RIPOR2: variants seen among roughly 807,000 people sequenced by gnomAD.
RIPOR2 encodes the protein rho family-interacting cell polarization regulator 2.
RIPOR2 carries 39 observed loss-of-function variants against 114.5 expected under a neutral mutation model. That is an observed-to-expected ratio of 0.34 (90% CI 0.26 to 0.44). The LOEUF (loss-of-function observed/expected upper bound fraction) is 0.44. Ranked by LOEUF, RIPOR2 falls within the 20% of genes least tolerant of loss-of-function variation. RIPOR2 has a pLI of 1.00. For synonymous variants in RIPOR2, 445 were observed against 484.4 expected (o/e 0.92, Z 1.07); for missense variants, 1,007 against 1,255.1 (o/e 0.80, Z 2.99).
intron 1 of RIPOR2, among the ~76,000 whole-genome samples, chr6:24,946,823 A>C (rs1408763123): frequency 6.6e-6 from 1 of 152,224 alleles, no homozygotes; most frequent in East Asian, 1.9e-4. Context: ...TTGGCCTCCA[A>C]ATTTCTTGTC....
At chr6:24,967,821 C>G (rs1399720994) in intron 1 of RIPOR2, among the ~76,000 whole-genome samples, 2 of 151,516 alleles carry the variant, frequency 1.3e-5, no homozygotes, top group Non-Finnish European at 2.9e-5. Context: ...GACTTACAGA[C>G]TAAGTATCTG....
At chr6:24,808,337 A>G (rs1032615662) in intron 21 of RIPOR2, among the ~76,000 whole-genome samples, 1 of 152,246 alleles carries the variant, frequency 6.6e-6, no homozygotes, top group African/African-American at 2.4e-5. Context: ...GCTTACCTTC[A>G]TGGTTATTTT....
chr6:24,942,948 T>A (rs1157624013), intron 1 of RIPOR2, among the ~76,000 whole-genome samples: 4 of 152,206 alleles, frequency 2.6e-5, no homozygotes, highest in Non-Finnish European at 5.9e-5. Context: ...TTGGCTTTTG[T>A]TGCCATTGCT....
At chr6:24,925,445 T>G (rs1002223380) in intron 1 of RIPOR2, among the ~76,000 whole-genome samples, 1 of 152,190 alleles carries the variant, frequency 6.6e-6, no homozygotes, top group African/African-American at 2.4e-5. Context: ...GGGTCATGCC[T>G]GTAATCCCAG....
intron 1 of RIPOR2, among the ~76,000 whole-genome samples, chr6:24,886,653 C>T (rs2747681): frequency 0.23 from 34,471 of 152,194 alleles, 4,388 homozygotes; most frequent in African/African-American, 0.35. Flanking sequence ...AGCAGTGATA[C>T]CACGTAAGTG....
At chr6:24,960,721 G>A (rs1335450102) in intron 1 of RIPOR2, among the ~76,000 whole-genome samples, 2 of 151,922 alleles carry the variant, frequency 1.3e-5, no homozygotes, top group African/African-American at 2.4e-5. Context: ...GTAGAGATGG[G>A]GTTTCTCCAT....
At chr6:24,962,729 A>C (rs564303958) in intron 1 of RIPOR2, among the ~76,000 whole-genome samples, 2 of 152,168 alleles carry the variant, frequency 1.3e-5, no homozygotes, top group Non-Finnish European at 2.9e-5. Context: ...TTGTACACTG[A>C]TATACATAAA....
chr6:24,968,236 T>C (rs1243230594), intron 1 of RIPOR2, among the ~76,000 whole-genome samples: 1 of 152,174 alleles, frequency 6.6e-6, no homozygotes, highest in Non-Finnish European at 1.5e-5. Context: ...AGTTAACTTT[T>C]ATATGTTGCA....
In RIPOR2 at chr6:24,866,495, T is replaced by A. The variant is rs369206395; in HGVS notation, c.502-1045A>T. ...CCTGCAATAGAGAATTATCCCCAAATGCCAGTAGTGCTAGGGTTGAAAATT... is the reference window on the plus strand; with the variant it reads ...CCTGCAATAGAGAATTATCCCCAAAAGCCAGTAGTGCTAGGGTTGAAAATT... On this transcript the variant is annotated intron_variant, in intron 6 of 21. Transcript: ENST00000643898. 3.1e-4 allele frequency among the ~76,000 whole-genome samples: 47 copies of A among 150,030 alleles called. 1 individual carries two copies. The South Asian group carries it at 9.0e-3, about 29-fold the overall frequency.
In RIPOR2 at chr6:24,842,941, G is replaced by A. The variant is rs761981193; in HGVS notation, c.1778C>T (p.Ala593Val). ...LEDAFNGLLLALEPHKEQYKE... is the reference protein window; with the variant it reads ...LEDAFNGLLLVLEPHKEQYKE... Reference sequence around the variant, plus strand: ...ATACTGCTCTTTATGTGGTTCTAATGCAAGTAAAAGCCCATTAAAAGCATC... The same window carrying A: ...ATACTGCTCTTTATGTGGTTCTAATACAAGTAAAAGCCCATTAAAAGCATC... Residue 593 changes from alanine (A) to valine (V), a missense_variant, in exon 13 of 22, where the codon GCA (alanine) becomes GTA (valine). Ala to Val is a moderately conservative substitution (Grantham distance 64). Coordinates refer to ENST00000643898, the MANE Select transcript of RIPOR2 (RefSeq NM_001286445.3). The A allele has an allele frequency of 1.3e-6, 2 of 1,521,414 alleles. No individual in the cohort carries two copies. Among genetic ancestry groups the A allele is most frequent in the Non-Finnish European group, 1.8e-6 (2 of 1,136,164 alleles). 94.2% of individuals were successfully genotyped at this position (1,521,414 alleles called of 1,614,324 possible).
intron 1 of RIPOR2, among the ~76,000 whole-genome samples, chr6:25,018,575 T>C (rs1161076299): frequency 6.6e-6 from 1 of 152,240 alleles, no homozygotes; most frequent in Non-Finnish European, 1.5e-5. Flanking sequence ...AAAAAATTTA[T>C]CACTTGCCCT....
chr6:25,012,945 C>T (rs1024885653), intron 1 of RIPOR2, among the ~76,000 whole-genome samples: 5 of 151,642 alleles, frequency 3.3e-5, no homozygotes, highest in Non-Finnish European at 5.9e-5. Flanking sequence ...TGCCTCCATA[C>T]GGAGGGGATG....
chr6:24,970,366 G>A (rs2114237181), intron 1 of RIPOR2, among the ~76,000 whole-genome samples: 1 of 152,328 alleles, frequency 6.6e-6, no homozygotes, highest in African/African-American at 2.4e-5. Context: ...GAAACTCAAA[G>A]AGGTCTTGAA....
intron 1 of RIPOR2, among the ~76,000 whole-genome samples, chr6:24,955,872 G>A (rs1044704607): frequency 1.3e-5 from 2 of 151,476 alleles, no homozygotes; most frequent in Non-Finnish European, 2.9e-5. Context: ...AGCCAGGTGT[G>A]GTGGCAGGTG....
chr6:24,870,003 G>T (rs1169078423), intron 5 of RIPOR2, among the ~76,000 whole-genome samples: 1 of 151,976 alleles, frequency 6.6e-6, no homozygotes, highest in African/African-American at 2.4e-5. Context: ...ATTCAGCATT[G>T]AAATAAAATT....
At chr6:25,025,824 G>A (rs979960540) in intron 1 of RIPOR2, among the ~76,000 whole-genome samples, 1 of 152,214 alleles carries the variant, frequency 6.6e-6, no homozygotes, top group African/African-American at 2.4e-5. Context: ...TTCAGGAAGA[G>A]TAAGAGGGTG....
At chr6:24,942,938 T>C (rs1349146395) in intron 1 of RIPOR2, among the ~76,000 whole-genome samples, 2 of 152,204 alleles carry the variant, frequency 1.3e-5, no homozygotes, top group African/African-American at 2.4e-5. Context: ...TTTGTCAAAT[T>C]TGGCTTTTGT....
intron 1 of RIPOR2, among the ~76,000 whole-genome samples, chr6:24,985,347 C>T (rs960428295): frequency 2.8e-5 from 4 of 142,658 alleles, no homozygotes; most frequent in Non-Finnish European, 6.0e-5. Context: ...AGAGGTGGGA[C>T]CAGGGGCTCC....
In RIPOR2 at chr6:24,839,128, C is replaced by T. The variant is rs1761385426; in HGVS notation, c.2002G>A (p.Asp668Asn). 1.9e-6 allele frequency: 3 copies of T among 1,551,648 alleles called. No individual in the cohort carries two copies. The highest frequency in any genetic ancestry group is 2.6e-6 in the Non-Finnish European group (3 of 1,146,956). Residue 668 changes from aspartate (D) to asparagine (N), a missense_variant, in exon 14 of 22, where the codon GAC (aspartate) becomes AAC (asparagine). Coordinates refer to ENST00000643898, the MANE Select transcript of RIPOR2 (RefSeq NM_001286445.3). ...DEVCNVGGGA[D>N]SVFSDTETEK... ...GTCTCAGTGTCTGAAAATACTGAGT[C>T]AGCACCTCCGCCAACATTACAAACC... is the stretch of plus-strand genomic sequence containing the variant.
Sources: gnomAD v4.1 joint callset for allele counts (sites outside exome capture counted in the v4.1 genomes callset) on GRCh38, gnomAD v4.1.1 for gene constraint, MANE v1.5 for transcripts, NCBI Gene and HGNC (gene_info 2026-07-23, HGNC 2026-07-21) for gene names.